The following SLC4A4 variants were observed in gnomAD, a reference collection of about 807,000 sequenced individuals.
SLC4A4 encodes the protein solute carrier family 4 member 4, also known as electrogenic sodium bicarbonate cotransporter 1.
SLC4A4 carries 27 observed loss-of-function variants against 111.5 expected under a neutral mutation model. The ratio of observed to expected loss-of-function variants is 0.24; its 90% CI spans 0.18 to 0.33. The LOEUF is 0.33. Among genes scored for constraint, SLC4A4 ranks in the 10% least tolerant of loss-of-function variants. The probability of loss-of-function intolerance (pLI) is 1.00; values close to 1 mark genes in which losing one functional copy is unlikely to be tolerated. For synonymous variants in SLC4A4, 443 were observed against 463.4 expected, an observed-to-expected ratio of 0.96 and a Z score of 0.57; for missense variants, 909 against 1,315.5, an observed-to-expected ratio of 0.69 and a Z score of 4.78.
intron 15 of SLC4A4, among the ~76,000 whole-genome samples, chr4:71,489,390 G>C (rs1411541413): frequency 6.6e-6 from 1 of 151,718 alleles, no homozygotes; most frequent in Non-Finnish European, 1.5e-5. Context: ...CAAGTGCAGG[G>C]CTCCATGACT....
intron 17 of SLC4A4, among the ~76,000 whole-genome samples, chr4:71,533,516 CT>C (rs1296331230): frequency 4.6e-5 from 7 of 151,514 alleles, no homozygotes; most frequent in East Asian, 1.9e-4. Context: ...GTAGGAAACC[CT>C]TTTTTTTCTG....
At chr4:71,387,831 A>G (rs1718897300) in intron 6 of SLC4A4, among the ~76,000 whole-genome samples, 1 of 152,074 alleles carries the variant, frequency 6.6e-6, no homozygotes, top group African/African-American at 2.4e-5. Flanking sequence ...CAAATCAGAG[A>G]ATTCTTCCAC....
At chr4:71,207,665 C>T (rs1026054085) in intron 1 of SLC4A4, among the ~76,000 whole-genome samples, 1 of 152,162 alleles carries the variant, frequency 6.6e-6, no homozygotes, top group African/African-American at 2.4e-5. Context: ...TCACATTCTC[C>T]ATCAATTACT....
chr4:71,519,829 T>C (rs1382547364), intron 16 of SLC4A4, among the ~76,000 whole-genome samples: 1 of 152,120 alleles, frequency 6.6e-6, no homozygotes, highest in Non-Finnish European at 1.5e-5. Flanking sequence ...GTTGTTTTTT[T>C]AGTAGAGACT....
chr4:71,201,432 A>G (rs906437740), intron 1 of SLC4A4, among the ~76,000 whole-genome samples: 2 of 151,928 alleles, frequency 1.3e-5, no homozygotes, highest in African/African-American at 4.8e-5. Flanking sequence ...ATCAATGAAC[A>G]CTCCACCAGC....
chr4:71,361,126 G>A (rs1042044898), intron 6 of SLC4A4, among the ~76,000 whole-genome samples: 14 of 152,074 alleles, frequency 9.2e-5, no homozygotes, highest in African/African-American at 3.1e-4. Flanking sequence ...AGTTTCTCCA[G>A]GAACCCCTCT....
chr4:71,143,821 A>G (rs1446659928), intron 2 of SLC4A4, among the ~76,000 whole-genome samples: 7 of 151,984 alleles, frequency 4.6e-5, no homozygotes, highest in Non-Finnish European at 7.4e-5. Flanking sequence ...AATTTGTTTG[A>G]GTTCATTGTA....
At chr4:71,376,470 T>G (rs1732407619) in intron 6 of SLC4A4, among the ~76,000 whole-genome samples, 1 of 151,556 alleles carries the variant, frequency 6.6e-6, no homozygotes, top group African/African-American at 2.4e-5. Flanking sequence ...CCCATAGTGC[T>G]GGGATTACAG....
At chr4:71,306,516 G>A (rs1420794170) in intron 3 of SLC4A4, among the ~76,000 whole-genome samples, 1 of 152,078 alleles carries the variant, frequency 6.6e-6, no homozygotes, top group Non-Finnish European at 1.5e-5. Flanking sequence ...CCAGGAGGCG[G>A]GGGTTGCAGT....
chr4:71,096,959 C>A (rs1489690673), intron 2 of SLC4A4, among the ~76,000 whole-genome samples: 4 of 152,198 alleles, frequency 2.6e-5, no homozygotes, highest in Non-Finnish European at 4.4e-5. Context: ...TATAAACTTA[C>A]ATTTTTGTTC....
chr4:71,463,625 C>A (rs534308738), intron 12 of SLC4A4, among the ~76,000 whole-genome samples: 14 of 152,234 alleles, frequency 9.2e-5, no homozygotes, highest in African/African-American at 3.4e-4. Flanking sequence ...AGTCATATGG[C>A]TTCCATAAAT....
intron 1 of SLC4A4, among the ~76,000 whole-genome samples, chr4:71,091,044 T>A (rs985781588): frequency 2.0e-5 from 3 of 152,022 alleles, no homozygotes; most frequent in Non-Finnish European, 4.4e-5. Context: ...GCCTCCTGAG[T>A]TCAAGTGATT....
At chr4:71,312,974 G>A (rs958765099) in intron 3 of SLC4A4, among the ~76,000 whole-genome samples, 3 of 152,104 alleles carry the variant, frequency 2.0e-5, no homozygotes, top group African/African-American at 7.2e-5. Context: ...AATAGGAAAA[G>A]AGGAAGTCAA....
At chr4:71,099,166 T>C (rs1742644688) in intron 2 of SLC4A4, among the ~76,000 whole-genome samples, 1 of 151,790 alleles carries the variant, frequency 6.6e-6, no homozygotes, top group Non-Finnish European at 1.5e-5. Context: ...ATTCTTCTCA[T>C]TGTCACATAC....
At chr4:71,189,083 A>G (rs548806752) in intron 1 of SLC4A4, among the ~76,000 whole-genome samples, 2 of 152,290 alleles carry the variant, frequency 1.3e-5, no homozygotes, top group South Asian at 4.1e-4. Context: ...GAGGCAGAGA[A>G]CATTTGTAGG....
intron 3 of SLC4A4, among the ~76,000 whole-genome samples, chr4:71,280,613 C>T (rs1225122025): frequency 1.3e-5 from 2 of 152,066 alleles, no homozygotes; most frequent in Non-Finnish European, 2.9e-5. Flanking sequence ...CAGCCTGTAG[C>T]TTATCTGTAC....
chr4:71,419,406 C>T (rs1722148900), intron 7 of SLC4A4, among the ~76,000 whole-genome samples: 2 of 152,206 alleles, frequency 1.3e-5, no homozygotes. Flanking sequence ...ATGGCAGGCG[C>T]CCCTCCCCCA....
intron 2 of SLC4A4, among the ~76,000 whole-genome samples, chr4:71,247,692 T>C (rs1305740688): frequency 6.6e-6 from 1 of 152,188 alleles, no homozygotes; most frequent in Non-Finnish European, 1.5e-5. Context: ...AGAGAAATGT[T>C]GGAAACTGTC....
At chr4:71,561,102 G>T (rs1412222883) in intron 23 of SLC4A4, among the ~76,000 whole-genome samples, 1 of 151,706 alleles carries the variant, frequency 6.6e-6, no homozygotes, top group Non-Finnish European at 1.5e-5. Context: ...ACACAGTGCA[G>T]TATCACAAAT....
Sources: gnomAD v4.1 joint callset for allele counts (sites outside exome capture counted in the v4.1 genomes callset) on GRCh38, gnomAD v4.1.1 for gene constraint, MANE v1.5 for transcripts, NCBI Gene and HGNC (gene_info 2026-07-23, HGNC 2026-07-21) for gene names.